Variants in ZEB1 observed in about 807,000 individuals in gnomAD.
ZEB1 encodes the protein zinc finger E-box binding homeobox 1, also known as zinc finger E-box-binding homeobox 1.
A neutral mutation model predicts 84.9 loss-of-function variants in ZEB1; 21 were observed. The ratio of observed to expected loss-of-function variants is 0.25; its 90% confidence interval spans 0.18 to 0.36. The LOEUF is 0.36. Among genes scored for constraint, ZEB1 ranks in the 10% least tolerant of loss-of-function variants. The pLI is 1.00. For missense variants in ZEB1, 1,104 were observed against 1,330.2 expected (o/e 0.83, Z 2.65); for synonymous variants, 420 against 471.1 (o/e 0.89, Z 1.41).
At chr10:31,411,638 CAAAA>C (rs11440732) in intron 1 of ZEB1, among the ~76,000 whole-genome samples, 1 of 98,084 alleles carries the variant, frequency 1.0e-5, no homozygotes, top group Non-Finnish European at 1.9e-5. Context: ...GACTCCGTCT[CAAAA>C]AAAAAAAAAA....
At chr10:31,319,146 G>C, upstream of ZEB1, 1 of 859,576 alleles carries the variant, frequency 1.2e-6, no homozygotes. Context: ...GCGGTGGGGA[G>C]GGGGGAGGGG....
At chr10:31,391,272 TGTGTGA>T (rs755318614) in intron 1 of ZEB1, among the ~76,000 whole-genome samples, 5,073 of 140,740 alleles carry the variant, frequency 0.036, 173 homozygotes, top group African/African-American at 0.095. Flanking sequence ...TGTGTGTGTG[TGTGTGA>T]GATCCAATAA....
At chr10:31,359,561 C>A (rs1012922663) in intron 1 of ZEB1, among the ~76,000 whole-genome samples, 8 of 152,012 alleles carry the variant, frequency 5.3e-5, no homozygotes, top group African/African-American at 1.7e-4. Context: ...GAACCTTATA[C>A]CTTTTGGAAT....
chr10:31,353,994 CAAAG>C (rs1471364131), intron 1 of ZEB1, among the ~76,000 whole-genome samples: 1 of 152,092 alleles, frequency 6.6e-6, no homozygotes, highest in Non-Finnish European at 1.5e-5. Context: ...AGGATAGACA[CAAAG>C]AACTTTTGGA....
chr10:31,524,787 T>G lies in ZEB1; in HGVS notation c.2785+674T>G, dbSNP rs1410203247. ...GCTAAAGTCATAGGGAGACAGGATC[T>G]GGCTTCATAAAAGAAAAAGCTGCTT... On this transcript the variant is annotated intron_variant, in intron 8 of 8. Transcript: ENST00000424869. Among the ~76,000 whole-genome samples the G allele has an allele frequency of 2.7e-5, 4 of 148,868 alleles. 1 individual carries two copies. The highest frequency in any genetic ancestry group is 2.0e-4 in the Admixed American group (3 of 15,154).
At chr10:31,375,649 T>A (rs1248594560) in intron 1 of ZEB1, among the ~76,000 whole-genome samples, 1 of 151,800 alleles carries the variant, frequency 6.6e-6, no homozygotes, top group Non-Finnish European at 1.5e-5. Flanking sequence ...TCTGATTGGC[T>A]GTGTATGTTG....
At chr10:31,419,608 T>C (rs2055802994) in intron 1 of ZEB1, among the ~76,000 whole-genome samples, 1 of 152,128 alleles carries the variant, frequency 6.6e-6, no homozygotes, top group African/African-American at 2.4e-5. Flanking sequence ...ACTGCCTCTG[T>C]TGTAACATCT....
chr10:31,480,335 T>C lies in ZEB1; in HGVS notation c.260-15441T>C, dbSNP rs2064876611. Among the ~76,000 whole-genome samples, 2 of 152,026 alleles carry C rather than the reference T, an allele frequency of 1.3e-5. 1 individual carries two copies. The highest frequency in any genetic ancestry group is 4.8e-5 in the African/African-American group (2 of 41,428). Reference sequence around the variant, plus strand: ...GGGCATAAATTATAATAAAATACTATAAGTAATACATGTAAAGAATGTATC... The same window carrying C: ...GGGCATAAATTATAATAAAATACTACAAGTAATACATGTAAAGAATGTATC... On this transcript the variant is annotated intron_variant, in intron 2 of 8. Coordinates refer to ENST00000424869, the MANE Select transcript of ZEB1 (RefSeq NM_001174096.2).
chr10:31,412,756 TAAGCTTTTCAGAA>T (rs746402937), intron 1 of ZEB1, among the ~76,000 whole-genome samples: 8 of 152,214 alleles, frequency 5.3e-5, no homozygotes, highest in Non-Finnish European at 1.0e-4. Context: ...CAAAGTGTAA[TAAGCTTTTCAGAA>T]AGTTTCTCCT....
At chr10:31,492,113 G>A (rs1322628445) in intron 2 of ZEB1, among the ~76,000 whole-genome samples, 1 of 151,880 alleles carries the variant, frequency 6.6e-6, no homozygotes, top group African/African-American at 2.4e-5. Flanking sequence ...ATCTGTGGAA[G>A]TTACTCATTT....
At chr10:31,361,176 A>G in intron 1 of ZEB1, 2 of 1,611,938 alleles carry the variant, frequency 1.2e-6, no homozygotes, top group East Asian at 2.2e-5. Flanking sequence ...CTCCTGTCCC[A>G]AAAGACCATC....
chr10:31,324,253 T>A (rs1168582579), intron 1 of ZEB1, among the ~76,000 whole-genome samples: 1 of 152,042 alleles, frequency 6.6e-6, no homozygotes, highest in Non-Finnish European at 1.5e-5. Flanking sequence ...CTTTCTCTAG[T>A]CTCTAGTATG....
intron 6 of ZEB1, among the ~76,000 whole-genome samples, chr10:31,518,739 A>G (rs2071671443): frequency 6.6e-6 from 1 of 152,088 alleles, no homozygotes; most frequent in South Asian, 2.1e-4. Context: ...GCTGTCCAGC[A>G]GGTCCTAACT....
At chr10:31,378,020 A>G (rs1590568655) in intron 1 of ZEB1, among the ~76,000 whole-genome samples, 1 of 150,792 alleles carries the variant, frequency 6.6e-6, no homozygotes, top group Admixed American at 6.6e-5. Context: ...TATATCATAC[A>G]TATATATAGT....
At chr10:31,327,099 C>CTTTTTTTTTTTTTTTTTTTTTTTTTTCT (rs71527629) in intron 1 of ZEB1, among the ~76,000 whole-genome samples, 1 of 84,962 alleles carries the variant, frequency 1.2e-5, no homozygotes, top group Non-Finnish European at 2.2e-5. Context: ...CTTTTCTTTT[C>CTTTTTTTTTTTTTTTTTTTTTTTTTTCT]TTTTTTTTTT....
intron 1 of ZEB1, 51 bp downstream of exon 1, chr10:31,319,343 G>A (rs754373440): frequency 6.4e-7 from 1 of 1,573,546 alleles, no homozygotes; most frequent in East Asian, 2.3e-5. Flanking sequence ...GAGCTGGGCA[G>A]CCGGGGCGCC....
In ZEB1 at chr10:31,527,081, A is replaced by AGAGGAG. The variant is rs369270839; in HGVS notation, c.3207_3212dup (p.Glu1071_Glu1072dup). ...GTGAAAAACCACAAGGGGATGAGGA[A>AGAGGAG]GAGGAGGAGGAGGAGGAAGAAGTGG... On this transcript the variant is annotated inframe_insertion, in exon 9 of 9. Transcript: ENST00000424869. 3.8e-6 allele frequency: 6 copies of AGAGGAG among 1,583,776 alleles called. No homozygotes were observed. The highest frequency in any genetic ancestry group is 1.7e-6 in the Non-Finnish European group (2 of 1,160,540).
At chr10:31,479,776 TAAAAG>T in intron 2 of ZEB1, among the ~76,000 whole-genome samples, 1 of 152,086 alleles carries the variant, frequency 6.6e-6, no homozygotes, top group East Asian at 1.9e-4. Flanking sequence ...ATTAAGTTCT[TAAAAG>T]AATCATATGG....
intron 1 of ZEB1, among the ~76,000 whole-genome samples, chr10:31,453,814 G>A (rs1591453593): frequency 6.6e-6 from 1 of 151,978 alleles, no homozygotes; most frequent in Non-Finnish European, 1.5e-5. Context: ...ATTCACAGCC[G>A]AATTCTACCA....
Sources: gnomAD v4.1 joint callset for allele counts (sites outside exome capture counted in the v4.1 genomes callset) on GRCh38, gnomAD v4.1.1 for gene constraint, MANE v1.5 for transcripts, NCBI Gene and HGNC (gene_info 2026-07-23, HGNC 2026-07-21) for gene names.